CHST6: variants seen among roughly 807,000 people sequenced by gnomAD.
CHST6 encodes the protein carbohydrate sulfotransferase 6.
For missense variants in CHST6, 698 were observed against 586.2 expected (o/e 1.19, Z -1.97); for synonymous variants, 309 against 276.4 (o/e 1.12, Z -1.17).
rs960973748 is a variant in CHST6 at position 75,472,671 on chromosome 16, A to T, written c.*5970T>A. The T allele has an allele frequency of 8.5e-5, 13 of 152,312 alleles. No individual in the cohort carries two copies. Among genetic ancestry groups the T allele is most frequent in the African/African-American group, 2.7e-4 (11 of 41,452 alleles). The allele number at this position is 152,312 out of a possible 1,614,324, so 9.4% of individuals were successfully genotyped here. ...TGGGTGACAAAGGCACATCAAAGAC[A>T]AAGCTAGGGGACACAGGGTCTGTGG... On this transcript the variant is annotated 3_prime_UTR_variant, in exon 3 of 3. Coordinates refer to ENST00000332272, the MANE Select transcript of CHST6 (RefSeq NM_021615.5).
Position 75,479,177 on chromosome 16 carries a change from G to T in CHST6, c.652C>A (p.Leu218Met). The T allele has an allele frequency of 6.2e-7, 1 of 1,608,366 alleles. No homozygotes were observed. Among genetic ancestry groups the T allele is most frequent in the South Asian group, 1.1e-5 (1 of 90,980 alleles). The change falls in exon 3 of 3, where the codon CTG (leucine) becomes ATG (methionine). Residue 218 changes from leucine (L) to methionine (M), a missense_variant. Physicochemically the swap from Leu to Met is conservative, Grantham distance 15. Coordinates refer to ENST00000332272, the MANE Select transcript of CHST6 (RefSeq NM_021615.5). ...LRSREQTAKALARDNGIVLGT... is the reference protein window; with the variant it reads ...LRSREQTAKAMARDNGIVLGT... ...AGCACGATGCCGTTGTCACGCGCCA[G>T]AGCCTTGGCTGTCTGCTCCCGGGAG...
At position 75,494,953 on chromosome 16, in the gene CHST6, G is replaced by A. The variant is rs1476630200; in HGVS notation, c.-105C>T. The A allele has an allele frequency of 6.6e-6, 1 of 152,326 alleles. No individual in the cohort carries two copies. The highest frequency in any genetic ancestry group is 1.5e-5 in the Non-Finnish European group (1 of 68,160). The allele number at this position is 152,326 out of a possible 1,614,324, so 9.4% of individuals were successfully genotyped here. On this transcript the variant is annotated 5_prime_UTR_variant, in exon 1 of 3. Transcript: ENST00000332272. ...GAACCAACGTACCCCAAAGCTTGGC[G>A]GCTCTGCCCGAGCTGCAGCGGCACG...
chr16:75,474,319 G>A lies in CHST6; in HGVS notation c.*4322C>T, dbSNP rs1196677693. ...GATAGGTGTCTTGCTCTGTCACTCA[G>A]GCTGGAGTGCACTGGCATGATCATG... On this transcript the variant is annotated 3_prime_UTR_variant, in exon 3 of 3. Coordinates refer to ENST00000332272, the MANE Select transcript of CHST6 (RefSeq NM_021615.5). 2.9e-6 allele frequency: 1 copy of A among 343,320 alleles called. No homozygotes were observed. The highest frequency in any genetic ancestry group is 5.2e-6 in the Non-Finnish European group (1 of 191,836). 21.3% of individuals were successfully genotyped at this position (343,320 alleles called of 1,614,324 possible).
At chr16:75,480,510 T>A (rs890540021) in intron 2 of CHST6, among the ~76,000 whole-genome samples, 4 of 151,894 alleles carry the variant, frequency 2.6e-5, no homozygotes, top group Non-Finnish European at 4.4e-5. Flanking sequence ...AGGAGAGACA[T>A]GTAGTAATGT....
intron 1 of CHST6, among the ~76,000 whole-genome samples, chr16:75,483,668 A>G (rs1376135577): frequency 6.6e-6 from 1 of 152,156 alleles, no homozygotes; most frequent in Non-Finnish European, 1.5e-5. Flanking sequence ...CTCTGTTTTA[A>G]TTGAAGCAGT....
In CHST6 at chr16:75,473,180, T is replaced by A. The variant is rs2080034511; in HGVS notation, c.*5461A>T. 6.6e-6 allele frequency: 1 copy of A among 152,392 alleles called. No homozygotes were observed. The highest frequency in any genetic ancestry group is 2.1e-4 in the South Asian group (1 of 4,836). 9.4% of individuals were successfully genotyped at this position (152,392 alleles called of 1,614,324 possible). On this transcript the variant is annotated 3_prime_UTR_variant, in exon 3 of 3. Transcript: ENST00000332272. The stretch of plus-strand genomic sequence containing the variant: ...CCTAAAGTCTTCGACTTGGCCGCAG[T>A]GCTGGGCTCAGCTGGCCTCGCTCAT...
rs1052223201 is a variant in CHST6, at chr16:75,474,460, G to C, written c.*4181C>G. On this transcript the variant is annotated 3_prime_UTR_variant, in exon 3 of 3. Coordinates refer to ENST00000332272, the MANE Select transcript of CHST6 (RefSeq NM_021615.5). Reference sequence around the variant, plus strand: ...CTGCTAATTTTTTTTTAACTTTGTAGAGATGGGGTCTCACTATGTTGCCCA... The same window carrying C: ...CTGCTAATTTTTTTTTAACTTTGTACAGATGGGGTCTCACTATGTTGCCCA... 22 of 394,642 alleles carry C rather than the reference G, an allele frequency of 5.6e-5. No individual in the cohort carries two copies. The highest frequency in any genetic ancestry group is 3.6e-5 in the Non-Finnish European group (8 of 224,042). The allele number at this position is 394,642 out of a possible 1,614,324, so 24.4% of individuals were successfully genotyped here. A position where few individuals can be genotyped will look rare whatever the true frequency, so the allele number is the denominator to read the frequency against.
intron 2 of CHST6, among the ~76,000 whole-genome samples, chr16:75,480,429 T>C (rs1463954718): frequency 6.6e-6 from 1 of 152,190 alleles, no homozygotes; most frequent in Non-Finnish European, 1.5e-5. Context: ...AGGGAGATGA[T>C]ACCAGCACAT....
intron 1 of CHST6, among the ~76,000 whole-genome samples, chr16:75,494,554 G>A (rs927371762): frequency 2.0e-5 from 3 of 152,208 alleles, no homozygotes; most frequent in Non-Finnish European, 4.4e-5. Flanking sequence ...GCCGTCAGAA[G>A]CAGTGACGCA....
intron 2 of CHST6, among the ~76,000 whole-genome samples, chr16:75,480,390 C>T (rs2080126839): frequency 6.6e-6 from 1 of 152,054 alleles, no homozygotes; most frequent in Admixed American, 6.6e-5. Flanking sequence ...TATTGGATCG[C>T]CCCGTGACTC....
Position 75,476,038 on chromosome 16 carries a change from G to C in CHST6, c.*2603C>G, listed in dbSNP as rs1256265702. On this transcript the variant is annotated 3_prime_UTR_variant, in exon 3 of 3. Transcript: ENST00000332272. ...TTTTTTTTATTTTTAGTAGAGATGG[G>C]GTTTCACCATGTTGGCCAGGCTGGT... 2 of 151,798 alleles carry C rather than the reference G, an allele frequency of 1.3e-5. No homozygotes were observed. Among genetic ancestry groups the C allele is most frequent in the African/African-American group, 4.8e-5 (2 of 41,304 alleles). 9.4% of individuals were successfully genotyped at this position (151,798 alleles called of 1,614,324 possible). A position where few individuals can be genotyped will look rare whatever the true frequency, so the allele number is the denominator to read the frequency against.
intron 1 of CHST6, among the ~76,000 whole-genome samples, chr16:75,482,686 G>C (rs2080155211): frequency 6.6e-6 from 1 of 152,204 alleles, no homozygotes; most frequent in African/African-American, 2.4e-5. Context: ...GACTTTGGAA[G>C]GGAGGAGCCT....
At chr16:75,485,511 A>T (rs2080186841) in intron 1 of CHST6, among the ~76,000 whole-genome samples, 2 of 152,204 alleles carry the variant, frequency 1.3e-5, no homozygotes, top group Admixed American at 1.3e-4. Context: ...ACTCCAGCTC[A>T]CAGCTGAAGC....
At position 75,479,685 on chromosome 16, in the gene CHST6, C is replaced by T. The variant is rs1435060387; in HGVS notation, c.144G>A (p.Ser48=). ...EARVHVLVLS[S]WRSGSSFVGQ... is the part of the protein sequence containing the mutation. ...CCACGAAGGACGAGCCCGAGCGCCA[C>T]GAGGACAGCACCAGCACATGCACGC... The change falls in exon 3 of 3, where the codon TCG becomes TCA. Residue 48 remains serine, a synonymous_variant. Coordinates refer to ENST00000332272, the MANE Select transcript of CHST6 (RefSeq NM_021615.5). 3.7e-6 allele frequency: 6 copies of T among 1,612,190 alleles called. No individual in the cohort carries two copies. The highest frequency in any genetic ancestry group is 1.1e-5 in the South Asian group (1 of 90,986).
intron 1 of CHST6, among the ~76,000 whole-genome samples, chr16:75,485,748 C>T (rs908422134): frequency 3.3e-5 from 5 of 152,142 alleles, no homozygotes; most frequent in Admixed American, 6.5e-5. Context: ...GCTCAGGATC[C>T]CGATCCTGGC....
chr16:75,483,087 A>G (rs984722358), intron 1 of CHST6, among the ~76,000 whole-genome samples: 19 of 152,312 alleles, frequency 1.2e-4, no homozygotes, highest in South Asian at 4.1e-4. Flanking sequence ...ACTTAACTCA[A>G]CGGGCCCTGA....
intron 1 of CHST6, chr16:75,490,673 G>A (rs1213661962): frequency 2.6e-5 from 4 of 152,130 alleles, no homozygotes; most frequent in African/African-American, 9.7e-5. Context: ...GTCAGATGGT[G>A]CATTTCCTGA....
intron 1 of CHST6, among the ~76,000 whole-genome samples, chr16:75,485,569 TTTC>T (rs1405635081): frequency 6.6e-6 from 1 of 152,246 alleles, no homozygotes; most frequent in Non-Finnish European, 1.5e-5. Context: ...TTTCTTGTTT[TTTC>T]TTGTTTCCCT....
intron 1 of CHST6, among the ~76,000 whole-genome samples, chr16:75,487,667 C>T (rs370183298): frequency 5.9e-5 from 9 of 151,596 alleles, no homozygotes; most frequent in East Asian, 1.9e-4. Flanking sequence ...GGCGTGGTGG[C>T]GGGCACCTGT....
Sources: gnomAD v4.1 joint callset for allele counts (sites outside exome capture counted in the v4.1 genomes callset) on GRCh38, gnomAD v4.1.1 for gene constraint, MANE v1.5 for transcripts, NCBI Gene and HGNC (gene_info 2026-07-23, HGNC 2026-07-21) for gene names.